RNF150: variants seen among roughly 807,000 people sequenced by gnomAD.
The protein encoded by RNF150 is ring finger protein 150.
A neutral mutation model predicts 39.3 loss-of-function variants in RNF150; 24 were observed. The ratio of observed to expected loss-of-function variants is 0.61; its 90% confidence interval spans 0.44 to 0.86. The LOEUF (loss-of-function observed/expected upper bound fraction) is 0.86, where lower values mean the gene tolerates loss of function less well. Among genes scored for constraint, RNF150 ranks in the 40% least tolerant of loss-of-function variants. The pLI is 0.00. For missense variants in RNF150, 502 were observed against 587.8 expected (o/e 0.85, Z 1.51); for synonymous variants, 255 against 227.3 (o/e 1.12, Z -1.10).
rs555967857 is a variant in RNF150, at chr4:141,036,543, T to C, written c.485-68670A>G. ...CACGGAACGACTCCACATTCAGAATTTGGATTTTGTTCTATGGGTAATAAC... is the reference window on the plus strand; with the variant it reads ...CACGGAACGACTCCACATTCAGAATCTGGATTTTGTTCTATGGGTAATAAC... On this transcript the variant is annotated intron_variant, in intron 1 of 6. Transcript: ENST00000515673. Among the ~76,000 whole-genome samples the C allele has an allele frequency of 3.3e-5, 5 of 152,270 alleles. No homozygotes were observed. In the South Asian group the frequency reaches 8.3e-4, roughly 25 times the overall value.
At chr4:140,907,536 C>T (rs1445148600) in intron 6 of RNF150, among the ~76,000 whole-genome samples, 1 of 151,980 alleles carries the variant, frequency 6.6e-6, no homozygotes, top group Non-Finnish European at 1.5e-5. Flanking sequence ...TGCATTTGAT[C>T]TACTGCACAT....
At chr4:141,210,889 C>T (rs867393358) in intron 1 of RNF150, among the ~76,000 whole-genome samples, 42 of 151,176 alleles carry the variant, frequency 2.8e-4, no homozygotes, top group Middle Eastern at 3.4e-3. Context: ...AGGCCATAGT[C>T]CTTTGCCTGA....
At chr4:141,127,019 G>A (rs931723031) in intron 1 of RNF150, among the ~76,000 whole-genome samples, 8 of 152,056 alleles carry the variant, frequency 5.3e-5, no homozygotes, top group African/African-American at 1.2e-4. Context: ...GCCTTAGATC[G>A]CTTCCTATAT....
At chr4:141,113,600 G>T (rs1739460523) in intron 1 of RNF150, among the ~76,000 whole-genome samples, 1 of 151,994 alleles carries the variant, frequency 6.6e-6, no homozygotes, top group Admixed American at 6.6e-5. Flanking sequence ...GTCAATATTA[G>T]ACAGATCAAC....
At chr4:141,033,979 G>A (rs757661949) in intron 1 of RNF150, among the ~76,000 whole-genome samples, 2 of 152,172 alleles carry the variant, frequency 1.3e-5, no homozygotes, top group Admixed American at 1.3e-4. Context: ...TCATTTTAAA[G>A]TCACCAGCTG....
At chr4:140,935,056 T>A (rs796582864) in intron 4 of RNF150, among the ~76,000 whole-genome samples, 10 of 46,226 alleles carry the variant, frequency 2.2e-4, no homozygotes, top group South Asian at 8.1e-4. Flanking sequence ...AATATATATA[T>A]TATATATATA....
intron 1 of RNF150, among the ~76,000 whole-genome samples, chr4:140,978,701 G>A (rs891518080): frequency 6.6e-6 from 1 of 152,128 alleles, no homozygotes; most frequent in African/African-American, 2.4e-5. Flanking sequence ...TGTATGGGGA[G>A]TGATGAATAT....
chr4:141,090,538 G>C (rs1184648101), intron 1 of RNF150, among the ~76,000 whole-genome samples: 4 of 152,130 alleles, frequency 2.6e-5, no homozygotes, highest in African/African-American at 4.8e-5. Context: ...AGCATACTTA[G>C]AAAGCAATTT....
rs567094361 is a variant in RNF150, at chr4:141,056,532, A to G, written c.484+75793T>C. ...ACTGACAGTCTTTGCTGGATCACCCATGGTCTTTTTATACTTTAGAGTCTC... is the reference window on the plus strand; with the variant it reads ...ACTGACAGTCTTTGCTGGATCACCCGTGGTCTTTTTATACTTTAGAGTCTC... On this transcript the variant is annotated intron_variant, in intron 1 of 6. Coordinates refer to ENST00000515673, the MANE Select transcript of RNF150 (RefSeq NM_020724.2). Among the ~76,000 whole-genome samples, 55 of 152,052 alleles carry G rather than the reference A, an allele frequency of 3.6e-4. No homozygotes were observed. In the South Asian group the frequency reaches 7.1e-3, roughly 20 times the overall value.
chr4:141,081,718 T>C (rs924332479), intron 1 of RNF150, among the ~76,000 whole-genome samples: 1 of 152,248 alleles, frequency 6.6e-6, no homozygotes, highest in Non-Finnish European at 1.5e-5. Flanking sequence ...CGCGTGTGTG[T>C]ACCTACTTAG....
chr4:140,910,885 G>A (rs1730571026), intron 6 of RNF150, among the ~76,000 whole-genome samples: 1 of 152,162 alleles, frequency 6.6e-6, no homozygotes, highest in South Asian at 2.1e-4. Context: ...GACATGGAGA[G>A]TGTGCAATGC....
At chr4:141,194,910 G>A (rs750038250) in intron 1 of RNF150, among the ~76,000 whole-genome samples, 2 of 152,128 alleles carry the variant, frequency 1.3e-5, no homozygotes, top group Non-Finnish European at 2.9e-5. Flanking sequence ...CTACCTCATA[G>A]GCTGGTCATG....
intron 1 of RNF150, among the ~76,000 whole-genome samples, chr4:141,058,317 G>A (rs149031267): frequency 3.3e-5 from 5 of 151,970 alleles, no homozygotes; most frequent in Non-Finnish European, 5.9e-5. Flanking sequence ...GTGAAGAAGA[G>A]GGGTAGAAGA....
At chr4:141,173,201 T>C (rs1329518345) in intron 1 of RNF150, among the ~76,000 whole-genome samples, 4 of 152,234 alleles carry the variant, frequency 2.6e-5, no homozygotes, top group Non-Finnish European at 1.5e-5. Flanking sequence ...GCCATATTTA[T>C]AAGGCTTTCT....
chr4:141,039,952 G>A (rs372458547), intron 1 of RNF150, among the ~76,000 whole-genome samples: 2 of 152,090 alleles, frequency 1.3e-5, no homozygotes, highest in South Asian at 2.1e-4. Flanking sequence ...CCTCCCCTGC[G>A]TGCCCTGATG....
intron 1 of RNF150, among the ~76,000 whole-genome samples, chr4:141,162,266 A>G (rs1035642529): frequency 3.9e-5 from 6 of 152,200 alleles, no homozygotes; most frequent in Non-Finnish European, 7.4e-5. Context: ...TGGATCTTTA[A>G]GATTTAATGA....
At position 140,996,231 on chromosome 4, in the gene RNF150, T is replaced by C. The variant is rs572772101; in HGVS notation, c.485-28358A>G. ...TTTGCGTTTTTCTGACAATAAATGATGTTGAGCATTTTATCATATACCTGT... is the reference window on the plus strand; with the variant it reads ...TTTGCGTTTTTCTGACAATAAATGACGTTGAGCATTTTATCATATACCTGT... On this transcript the variant is annotated intron_variant, in intron 1 of 6. Transcript: ENST00000515673. 3.9e-5 allele frequency among the ~76,000 whole-genome samples: 6 copies of C among 152,316 alleles called. No individual in the cohort carries two copies. In the East Asian group the frequency reaches 9.6e-4, roughly 24 times the overall value.
At chr4:140,932,156 T>A (rs1453185370) in intron 4 of RNF150, among the ~76,000 whole-genome samples, 1 of 152,208 alleles carries the variant, frequency 6.6e-6, no homozygotes, top group South Asian at 2.1e-4. Context: ...GAGAATCCCA[T>A]ACTCCCAGGC....
chr4:140,874,828 T>C (rs912651952), intron 6 of RNF150, among the ~76,000 whole-genome samples: 2 of 152,202 alleles, frequency 1.3e-5, no homozygotes, highest in African/African-American at 4.8e-5. Context: ...TAGCTGATTT[T>C]ATTTTATTTT....
Sources: allele counts gnomAD v4.1 joint callset (sites outside exome capture counted in the v4.1 genomes callset), GRCh38; gene constraint gnomAD v4.1.1; transcripts MANE v1.5; gene names NCBI Gene and HGNC (gene_info 2026-07-23, HGNC 2026-07-21).